The following MBNL1 variants were observed in gnomAD, a reference collection of about 807,000 sequenced individuals.
MBNL1 encodes the protein muscleblind-like protein 1.
MBNL1 carries 8 observed loss-of-function variants against 42.2 expected under a neutral mutation model. That is an observed-to-expected ratio of 0.19 (90% CI 0.11 to 0.34). The LOEUF is 0.34. Ranked by LOEUF, MBNL1 falls within the 10% of genes least tolerant of loss-of-function variation. MBNL1 has a pLI of 1.00. For synonymous variants in MBNL1, 169 were observed against 173.9 expected (o/e 0.97, Z 0.22); for missense variants, 309 against 495.3 (o/e 0.62, Z 3.57).
intron 2 of MBNL1, among the ~76,000 whole-genome samples, chr3:152,382,350 C>A (rs1324756461): frequency 6.6e-6 from 1 of 151,856 alleles, no homozygotes; most frequent in Non-Finnish European, 1.5e-5. Flanking sequence ...TGATAGAATC[C>A]GTGTTCCTCG....
intron 2 of MBNL1, among the ~76,000 whole-genome samples, chr3:152,380,885 C>T (rs1303170407): frequency 6.6e-6 from 1 of 152,044 alleles, no homozygotes; most frequent in Non-Finnish European, 1.5e-5. Context: ...TATTCACAAG[C>T]CAATTCTAAG....
At chr3:152,399,902 C>G (rs2098140453) in intron 2 of MBNL1, among the ~76,000 whole-genome samples, 1 of 152,150 alleles carries the variant, frequency 6.6e-6, no homozygotes, top group Non-Finnish European at 1.5e-5. Context: ...TATCTGAAAA[C>G]AAGCAGGAAT....
intron 4 of MBNL1, 99 bp downstream of exon 4, chr3:152,433,019 A>C: frequency 9.0e-7 from 1 of 1,117,300 alleles, no homozygotes; most frequent in Non-Finnish European, 1.3e-6. Context: ...AAGTTGTAAA[A>C]ATTTTAAAAC....
At chr3:152,392,057 C>G (rs1475801691) in intron 2 of MBNL1, among the ~76,000 whole-genome samples, 1 of 148,612 alleles carries the variant, frequency 6.7e-6, no homozygotes, top group Non-Finnish European at 1.5e-5. Flanking sequence ...CAGAGCTCAT[C>G]ATTAAGTCCT....
At chr3:152,339,544 A>G (rs2092537499) in intron 2 of MBNL1, among the ~76,000 whole-genome samples, 3 of 151,986 alleles carry the variant, frequency 2.0e-5, no homozygotes, top group Admixed American at 2.0e-4. Context: ...ACCTCTTCTA[A>G]TATGAGATCA....
At chr3:152,418,933 G>T (rs1376678947) in intron 3 of MBNL1, among the ~76,000 whole-genome samples, 1 of 151,928 alleles carries the variant, frequency 6.6e-6, no homozygotes, top group Non-Finnish European at 1.5e-5. Flanking sequence ...AGCTAGGATG[G>T]TCTTGATCTC....
chr3:152,291,016 A>G (rs1489998802), intron 1 of MBNL1, among the ~76,000 whole-genome samples: 2 of 152,156 alleles, frequency 1.3e-5, no homozygotes, highest in African/African-American at 2.4e-5. Flanking sequence ...CTGATTCCCT[A>G]TTTACTATTT....
intron 2 of MBNL1, among the ~76,000 whole-genome samples, chr3:152,406,101 A>T (rs2098420658): frequency 6.6e-6 from 1 of 152,170 alleles, no homozygotes; most frequent in Non-Finnish European, 1.5e-5. Context: ...AAGGTCATAG[A>T]GACTCTGGTT....
intron 2 of MBNL1, chr3:152,396,145 C>T (rs1312002044): frequency 2.9e-6 from 1 of 340,540 alleles, no homozygotes; most frequent in Admixed American, 3.1e-5. Context: ...GATGATCAGT[C>T]ACTGTCTCCT....
At chr3:152,449,493 A>G (rs1428366278) in intron 6 of MBNL1, 1 of 152,182 alleles carries the variant, frequency 6.6e-6, no homozygotes, top group Non-Finnish European at 1.5e-5. Context: ...TTTTTCAACA[A>G]CTCTCAAATG....
rs183430425 is a variant in MBNL1, at chr3:152,414,854, C to A, written c.175-87C>A. 2,402 of 1,318,326 alleles carry A rather than the reference C, an allele frequency of 1.8e-3. 77 individuals carry two copies. The Admixed American group carries it at 0.043, about 24-fold the overall frequency. The allele number at this position is 1,318,326 out of a possible 1,614,324, so 81.7% of individuals were successfully genotyped here. ...TTGTGTGAAAAACCAATGATACATT[C>A]AAGTGGGTGGTTTGCATTATATTTT... On this transcript the variant is annotated intron_variant, in intron 2 of 9. Coordinates refer to ENST00000324210, the MANE Select transcript of MBNL1 (RefSeq NM_021038.5).
intron 2 of MBNL1, among the ~76,000 whole-genome samples, chr3:152,246,033 G>C (rs890569484): frequency 7.2e-5 from 11 of 152,088 alleles, no homozygotes; most frequent in African/African-American, 2.7e-4. Context: ...GCAGTGAGCT[G>C]TGATTGCACC....
In MBNL1 at chr3:152,249,717, G is replaced by T. The variant is rs1324091740; in HGVS notation, n.333+5277G>T. 8.1e-4 allele frequency among the ~76,000 whole-genome samples: 119 copies of T among 146,338 alleles called. 1 individual carries two copies. Among genetic ancestry groups the T allele is most frequent in the Admixed American group, 1.7e-3 (25 of 14,490 alleles). On this transcript the variant is annotated intron_variant and non_coding_transcript_variant, in intron 2 of 2. Transcript: ENST00000477171. ...CCATGCCTATGTCCTGAATGGTAAT[G>T]CCTAGGTTTTCTTCTAGGGTTTTTA...
intron 2 of MBNL1, chr3:152,302,366 G>A (rs1055173116): frequency 3.3e-5 from 5 of 151,936 alleles, no homozygotes; most frequent in African/African-American, 1.2e-4. Flanking sequence ...AAAAAAACAT[G>A]AATTTATTTA....
intron 1 of MBNL1, among the ~76,000 whole-genome samples, chr3:152,284,668 C>G (rs2050498792): frequency 2.0e-5 from 3 of 152,112 alleles, no homozygotes; most frequent in Non-Finnish European, 4.4e-5. Flanking sequence ...CTTCATTGCT[C>G]TTCAGATACT....
chr3:152,454,151 G>A (rs1729030153), intron 6 of MBNL1, among the ~76,000 whole-genome samples: 1 of 152,158 alleles, frequency 6.6e-6, no homozygotes, highest in Non-Finnish European at 1.5e-5. Flanking sequence ...AGATCTTCAA[G>A]TGTCTTAATG....
intron 1 of MBNL1, among the ~76,000 whole-genome samples, chr3:152,277,032 C>T (rs571992542): frequency 4.6e-5 from 7 of 152,148 alleles, no homozygotes; most frequent in South Asian, 2.1e-4. Context: ...TTTTAAAATA[C>T]AGCAAGAATT....
chr3:152,255,878 G>C (rs559916619), intron 2 of MBNL1, among the ~76,000 whole-genome samples: 1 of 152,316 alleles, frequency 6.6e-6, no homozygotes, highest in East Asian at 1.9e-4. Context: ...TTCAGGAAGA[G>C]TGATTGACCA....
chr3:152,288,063 ACT>A (rs1421651407), intron 1 of MBNL1, among the ~76,000 whole-genome samples: 1 of 152,170 alleles, frequency 6.6e-6, no homozygotes, highest in East Asian at 1.9e-4. Flanking sequence ...CTTTATTTAT[ACT>A]CTGACTACAC....
Sources: allele counts gnomAD v4.1 joint callset (sites outside exome capture counted in the v4.1 genomes callset), GRCh38; gene constraint gnomAD v4.1.1; transcripts MANE v1.5; gene names NCBI Gene and HGNC (gene_info 2026-07-23, HGNC 2026-07-21).